The following GLIS3 variants were observed in gnomAD, a reference collection of about 807,000 sequenced individuals.
GLIS3 encodes the protein zinc finger protein GLIS3.
GLIS3 carries 53 observed loss-of-function variants against 78.6 expected under a neutral mutation model. The observed-to-expected ratio is 0.67, with a 90% CI of 0.54 to 0.85. GLIS3 has a LOEUF of 0.85. GLIS3 is among the 40% of genes least tolerant of loss of function. The pLI is 0.00. For synonymous variants in GLIS3, 684 were observed against 509.9 expected, an observed-to-expected ratio of 1.34 and a Z score of -4.60; for missense variants, 1,703 against 1,231.1, an observed-to-expected ratio of 1.38 and a Z score of -5.74.
chr9:4,299,342 T>G (rs1394006084), intron 1 of GLIS3, 79 bp downstream of exon 1: 1 of 152,214 alleles, frequency 6.6e-6, no homozygotes, highest in African/African-American at 2.4e-5. Context: ...TCTCTGAGCT[T>G]TAACTCCCCC....
chr9:4,058,776 C>A (rs1409352071), intron 4 of GLIS3, among the ~76,000 whole-genome samples: 4 of 152,074 alleles, frequency 2.6e-5, no homozygotes, highest in Middle Eastern at 3.4e-3. Flanking sequence ...GTCAGGAGAT[C>A]GAGACCATCC....
chr9:4,454,669 G>C, the GLIS3 span, among the ~76,000 whole-genome samples: 1 of 152,150 alleles, frequency 6.6e-6, no homozygotes, highest in Non-Finnish European at 1.5e-5. Flanking sequence ...GTTTTGAAGA[G>C]CTACTCTCCT....
chr9:4,060,000 T>C (rs2130552518), intron 4 of GLIS3, among the ~76,000 whole-genome samples: 1 of 152,286 alleles, frequency 6.6e-6, no homozygotes, highest in African/African-American at 2.4e-5. Context: ...ACCTTACCCC[T>C]ACTTTTAAGG....
intron 8 of GLIS3, among the ~76,000 whole-genome samples, chr9:3,869,095 G>A (rs965723934): frequency 1.3e-5 from 2 of 152,194 alleles, no homozygotes; most frequent in African/African-American, 2.4e-5. Context: ...TAGCCTCAGT[G>A]TCCAGCATAC....
chr9:3,913,873 GA>G (rs1824311719), intron 6 of GLIS3, among the ~76,000 whole-genome samples: 1 of 152,100 alleles, frequency 6.6e-6, no homozygotes, highest in Admixed American at 6.5e-5. Flanking sequence ...CTTTTCACAT[GA>G]AAGGTACTCT....
intron 4 of GLIS3, among the ~76,000 whole-genome samples, chr9:4,044,036 G>C (rs1825046821): frequency 6.6e-6 from 1 of 152,326 alleles, no homozygotes; most frequent in Non-Finnish European, 1.5e-5. Context: ...AGAGGGCAGA[G>C]CAGGCAAACA....
the GLIS3 span, among the ~76,000 whole-genome samples, chr9:4,368,584 C>A: frequency 6.6e-6 from 1 of 152,192 alleles, no homozygotes; most frequent in Non-Finnish European, 1.5e-5. Flanking sequence ...ATCTCCTGAC[C>A]TCGTGATCCA....
intron 2 of GLIS3, among the ~76,000 whole-genome samples, chr9:4,200,724 C>G (rs1819309657): frequency 6.6e-6 from 1 of 152,116 alleles, no homozygotes; most frequent in Non-Finnish European, 1.5e-5. Context: ...GCCAGATGGA[C>G]TCACAGGACT....
chr9:4,270,886 GTGGTGTGTGTGTGTGTGT>G (rs1391700042), intron 2 of GLIS3, among the ~76,000 whole-genome samples: 2 of 134,150 alleles, frequency 1.5e-5, no homozygotes, highest in Non-Finnish European at 3.1e-5. Flanking sequence ...CTCAATCTGT[GTGGTGTGTGTGTGTGTGT>G]GTGTGTGTGT....
the GLIS3 span, among the ~76,000 whole-genome samples, chr9:4,478,127 T>C: frequency 6.6e-6 from 1 of 152,118 alleles, no homozygotes; most frequent in South Asian, 2.1e-4. Context: ...GACATCTTGC[T>C]GAGTCAGAAA....
chr9:4,435,355 G>C, the GLIS3 span, among the ~76,000 whole-genome samples: 1 of 152,184 alleles, frequency 6.6e-6, no homozygotes, highest in Non-Finnish European at 1.5e-5. Flanking sequence ...GGAAGGTTGG[G>C]TAATGTCCCA....
At chr9:4,280,808 A>G (rs1024676762) in intron 2 of GLIS3, among the ~76,000 whole-genome samples, 1 of 151,894 alleles carries the variant, frequency 6.6e-6, no homozygotes, top group African/African-American at 2.4e-5. Context: ...ATGTTGTGCA[A>G]TCTAGAAGAA....
chr9:3,885,131 G>C (rs534845769), intron 7 of GLIS3, among the ~76,000 whole-genome samples: 1 of 152,338 alleles, frequency 6.6e-6, no homozygotes, highest in Admixed American at 6.5e-5. Context: ...GGTTTAGAAA[G>C]CAAACAGCTG....
chr9:4,224,692 C>A (rs1234780861), intron 2 of GLIS3, among the ~76,000 whole-genome samples: 2 of 151,608 alleles, frequency 1.3e-5, no homozygotes, highest in African/African-American at 4.8e-5. Context: ...TCTCCTATTC[C>A]CCCACTTACC....
At chr9:4,178,960 A>G (rs1817042788) in intron 2 of GLIS3, among the ~76,000 whole-genome samples, 1 of 152,228 alleles carries the variant, frequency 6.6e-6, no homozygotes, top group Non-Finnish European at 1.5e-5. Flanking sequence ...ATAAATAGAT[A>G]GTAGTTTAAA....
chr9:4,020,971 T>C (rs1822837576), intron 4 of GLIS3, among the ~76,000 whole-genome samples: 1 of 152,166 alleles, frequency 6.6e-6, no homozygotes, highest in African/African-American at 2.4e-5. Flanking sequence ...CTAGAGAAAG[T>C]AGTCGGTCTT....
chr9:4,355,664 C>G, the GLIS3 span, among the ~76,000 whole-genome samples: 93 of 152,298 alleles, frequency 6.1e-4, no homozygotes, highest in African/African-American at 2.1e-3. Flanking sequence ...CATCTTTTAA[C>G]AGCTAGGGAC....
intron 4 of GLIS3, among the ~76,000 whole-genome samples, chr9:4,061,991 C>A (rs1295880406): frequency 6.6e-6 from 1 of 152,218 alleles, no homozygotes; most frequent in Admixed American, 6.5e-5. Context: ...CAGGACTCCT[C>A]ATCCTCCTTG....
chr9:3,999,771 A>G (rs1820999320), intron 4 of GLIS3, among the ~76,000 whole-genome samples: 1 of 152,204 alleles, frequency 6.6e-6, no homozygotes, highest in Non-Finnish European at 1.5e-5. Flanking sequence ...CTTATCCTGA[A>G]ATGAATATGG....
Sources: gnomAD v4.1 joint callset for allele counts (sites outside exome capture counted in the v4.1 genomes callset) on GRCh38, gnomAD v4.1.1 for gene constraint, MANE v1.5 for transcripts, NCBI Gene and HGNC (gene_info 2026-07-23, HGNC 2026-07-21) for gene names.